The following DGKB variants were observed in gnomAD, a reference collection of about 807,000 sequenced individuals.
DGKB encodes the protein 90 kDa diacylglycerol kinase.
A neutral mutation model predicts 114.3 loss-of-function variants in DGKB; 67 were observed. That is an observed-to-expected ratio of 0.59 (90% CI 0.48 to 0.72). The LOEUF is 0.72. DGKB is among the 30% of genes least tolerant of loss of function. DGKB has a pLI of 0.00. For synonymous variants in DGKB, 398 were observed against 323.1 expected (o/e 1.23, Z -2.49); for missense variants, 907 against 975.2 (o/e 0.93, Z 0.93).
chr7:14,169,738 G>A (rs1780564706), intron 25 of DGKB, among the ~76,000 whole-genome samples: 1 of 151,994 alleles, frequency 6.6e-6, no homozygotes, highest in South Asian at 2.1e-4. Flanking sequence ...TGGCTGCAGT[G>A]GGAAGCAAAA....
At chr7:14,755,679 T>C (rs1834769187) in intron 3 of DGKB, among the ~76,000 whole-genome samples, 1 of 152,148 alleles carries the variant, frequency 6.6e-6, no homozygotes, top group Non-Finnish European at 1.5e-5. Flanking sequence ...TGAAGAGAAC[T>C]TTAAGGGCAT....
At chr7:14,682,984 A>T in intron 10 of DGKB, 143 bp from the exon 11 acceptor site, 1 of 641,672 alleles carries the variant, frequency 1.6e-6, no homozygotes, top group Non-Finnish European at 2.8e-6. Context: ...GAGAAGTCCA[A>T]GTCGACTGTT....
intron 2 of DGKB, among the ~76,000 whole-genome samples, chr7:14,786,428 A>G (rs1015486924): frequency 1.3e-5 from 2 of 152,334 alleles, no homozygotes; most frequent in East Asian, 3.9e-4. Flanking sequence ...TGTAAAATTG[A>G]TGGCAGCTGT....
chr7:14,960,455 T>C (rs1251734084), intron 1 of DGKB, among the ~76,000 whole-genome samples: 1 of 152,032 alleles, frequency 6.6e-6, no homozygotes, highest in East Asian at 1.9e-4. Flanking sequence ...TTTTTACTGT[T>C]TTACAAGATG....
At chr7:14,251,799 G>A (rs1795282560) in intron 23 of DGKB, among the ~76,000 whole-genome samples, 2 of 152,008 alleles carry the variant, frequency 1.3e-5, no homozygotes, top group Non-Finnish European at 2.9e-5. Context: ...TTTATCTTTT[G>A]TTTTTATCTC....
intron 17 of DGKB, among the ~76,000 whole-genome samples, chr7:14,593,996 T>C (rs902268295): frequency 1.3e-5 from 2 of 152,030 alleles, no homozygotes; most frequent in Non-Finnish European, 2.9e-5. Flanking sequence ...CCTCTTCTGC[T>C]TATAAAGCCA....
chr7:14,514,087 C>A (rs1026490327), intron 20 of DGKB, among the ~76,000 whole-genome samples: 3 of 151,668 alleles, frequency 2.0e-5, no homozygotes, highest in Admixed American at 2.0e-4. Flanking sequence ...CAATGGAAAC[C>A]CTACTAATTA....
intron 15 of DGKB, among the ~76,000 whole-genome samples, chr7:14,617,678 A>C (rs931937300): frequency 3.3e-5 from 5 of 151,640 alleles, no homozygotes; most frequent in African/African-American, 1.2e-4. Context: ...TAAAAATTCT[A>C]GCCCCTGTTA....
At position 14,242,895 on chromosome 7, in the gene DGKB, T is replaced by A. The variant is rs368294640; in HGVS notation, c.2123-64744A>T. On this transcript the variant is annotated intron_variant, in intron 23 of 25. Transcript: ENST00000402815. ...TTTTTTTTTTTAAAGTATGTGACGCTTTCTGAGTGTCTCTGAAATACTGTA... is the reference window on the plus strand; with the variant it reads ...TTTTTTTTTTTAAAGTATGTGACGCATTCTGAGTGTCTCTGAAATACTGTA... Among the ~76,000 whole-genome samples, 178 of 151,092 alleles carry A rather than the reference T, an allele frequency of 1.2e-3. 1 individual carries two copies. Among genetic ancestry groups the A allele is most frequent in the African/African-American group, 4.1e-3 (169 of 41,176 alleles).
At chr7:14,794,165 C>T (rs910403593) in intron 2 of DGKB, among the ~76,000 whole-genome samples, 1 of 152,060 alleles carries the variant, frequency 6.6e-6, no homozygotes, top group Non-Finnish European at 1.5e-5. Context: ...CTCTGAAGAA[C>T]CCTCACTAAC....
intron 1 of DGKB, among the ~76,000 whole-genome samples, chr7:14,913,012 C>T (rs757148049): frequency 6.6e-6 from 1 of 152,120 alleles, no homozygotes; most frequent in Non-Finnish European, 1.5e-5. Context: ...GTTCAACTTT[C>T]TTTCTCATAG....
intron 20 of DGKB, among the ~76,000 whole-genome samples, chr7:14,544,056 A>T (rs917455833): frequency 3.3e-5 from 5 of 152,180 alleles, no homozygotes; most frequent in Non-Finnish European, 7.4e-5. Context: ...TTAAGGGATT[A>T]TTTCTGAGAA....
chr7:14,859,047 A>G (rs1850585452), intron 1 of DGKB, among the ~76,000 whole-genome samples: 1 of 152,138 alleles, frequency 6.6e-6, no homozygotes, highest in Non-Finnish European at 1.5e-5. Context: ...AGAGAAACCA[A>G]GAAAGAGGAA....
At chr7:14,740,414 T>C (rs1832412083) in intron 4 of DGKB, among the ~76,000 whole-genome samples, 1 of 152,062 alleles carries the variant, frequency 6.6e-6, no homozygotes. Context: ...TTGAAAAGTG[T>C]TTTATTAGGC....
chr7:14,237,769 A>C (rs1435332582), intron 23 of DGKB, among the ~76,000 whole-genome samples: 1 of 151,972 alleles, frequency 6.6e-6, no homozygotes, highest in East Asian at 1.9e-4. Flanking sequence ...CATCTTTTTT[A>C]ATTTGCCTGT....
intron 21 of DGKB, among the ~76,000 whole-genome samples, chr7:14,452,613 C>T (rs1831691501): frequency 6.6e-6 from 1 of 151,896 alleles, no homozygotes; most frequent in Non-Finnish European, 1.5e-5. Context: ...GTGAATTTAA[C>T]TCAGAAGACT....
At chr7:14,487,726 C>G (rs533810934) in intron 20 of DGKB, among the ~76,000 whole-genome samples, 1 of 151,066 alleles carries the variant, frequency 6.6e-6, no homozygotes, top group South Asian at 2.1e-4. Context: ...CTTGACCCCT[C>G]GAGTAAGCTG....
intron 7 of DGKB, among the ~76,000 whole-genome samples, chr7:14,699,409 A>G (rs997999837): frequency 6.6e-6 from 1 of 152,018 alleles, no homozygotes; most frequent in Admixed American, 6.6e-5. Context: ...TAGGCATGTG[A>G]TATTAGGTAA....
chr7:14,677,627 G>A (rs375004439), intron 12 of DGKB, among the ~76,000 whole-genome samples: 95 of 152,100 alleles, frequency 6.2e-4, no homozygotes, highest in African/African-American at 2.2e-3. Flanking sequence ...CCTGACCAGT[G>A]AGAGCTTACC....
Sources: gnomAD v4.1 joint callset for allele counts (sites outside exome capture counted in the v4.1 genomes callset) on GRCh38, gnomAD v4.1.1 for gene constraint, MANE v1.5 for transcripts, NCBI Gene and HGNC (gene_info 2026-07-23, HGNC 2026-07-21) for gene names.